Variants in TBCK observed in about 807,000 individuals in gnomAD.
TBCK encodes TBC domain-containing protein kinase-like protein.
A neutral mutation model predicts 113.4 loss-of-function variants in TBCK; 99 were observed. The ratio of observed to expected loss-of-function variants is 0.87; its 90% CI spans 0.74 to 1.03. TBCK has a LOEUF of 1.03. Ranked by LOEUF, TBCK falls within the 50% of genes least tolerant of loss-of-function variation. The probability of loss-of-function intolerance (pLI) is 0.00; values close to 1 mark genes in which losing one functional copy is unlikely to be tolerated. For synonymous variants in TBCK, 369 were observed against 370.8 expected, an observed-to-expected ratio of 1.00 and a Z score of 0.05; for missense variants, 1,045 against 1,061.3, an observed-to-expected ratio of 0.98 and a Z score of 0.21.
At chr4:106,065,298 T>A (rs752517628) in intron 25 of TBCK, among the ~76,000 whole-genome samples, 1 of 152,062 alleles carries the variant, frequency 6.6e-6, no homozygotes, top group Non-Finnish European at 1.5e-5. Flanking sequence ...AAGAGGTATC[T>A]TTCTGGGGCT....
chr4:106,270,163 A>ATATG (rs1763348194), intron 3 of TBCK, among the ~76,000 whole-genome samples: 1 of 152,166 alleles, frequency 6.6e-6, no homozygotes, highest in Admixed American at 6.6e-5. Flanking sequence ...TTGTTATATC[A>ATATG]TATGTATATA....
intron 20 of TBCK, 49 bp downstream of exon 20, chr4:106,212,701 C>A (rs751442125): frequency 7.4e-7 from 1 of 1,342,778 alleles, no homozygotes; most frequent in Non-Finnish European, 1.1e-6. Flanking sequence ...CTAATAATTT[C>A]TGCTTTTTTT....
intron 12 of TBCK, among the ~76,000 whole-genome samples, chr4:106,237,085 T>C (rs926871231): frequency 6.6e-6 from 1 of 151,924 alleles, no homozygotes; most frequent in African/African-American, 2.4e-5. Flanking sequence ...CAAACAGAAC[T>C]CAGAATTACT....
intron 23 of TBCK, among the ~76,000 whole-genome samples, chr4:106,140,366 A>C (rs72964491): frequency 1.4e-5 from 2 of 141,324 alleles, no homozygotes; most frequent in African/African-American, 5.0e-5. Flanking sequence ...TTTCATATAA[A>C]TAAAATAAAA....
intron 24 of TBCK, among the ~76,000 whole-genome samples, chr4:106,112,511 C>T (rs1742983809): frequency 6.6e-6 from 1 of 152,142 alleles, no homozygotes. Context: ...TTTACTAGCG[C>T]TCAGAGGGCT....
chr4:106,176,553 A>G (rs184944215), intron 22 of TBCK, among the ~76,000 whole-genome samples: 11 of 152,034 alleles, frequency 7.2e-5, no homozygotes, highest in Admixed American at 7.2e-4. Flanking sequence ...TTGTGTTTTT[A>G]TGTACGTTTT....
intron 25 of TBCK, among the ~76,000 whole-genome samples, chr4:106,094,863 C>A (rs550027406): frequency 7.9e-5 from 12 of 152,324 alleles, no homozygotes; most frequent in African/African-American, 2.9e-4. Context: ...TATCTAGATA[C>A]CTTCTCTGGC....
intron 22 of TBCK, among the ~76,000 whole-genome samples, chr4:106,171,992 G>A (rs57246774): frequency 0.14 from 21,796 of 151,846 alleles, 1,746 homozygotes; most frequent in South Asian, 0.26. Flanking sequence ...CACAACACCC[G>A]GCTAATTTTT....
intron 24 of TBCK, among the ~76,000 whole-genome samples, chr4:106,110,014 A>G (rs920963897): frequency 1.3e-5 from 2 of 152,194 alleles, no homozygotes; most frequent in African/African-American, 4.8e-5. Flanking sequence ...ATTGATCTAG[A>G]TAAGTTAGTT....
At chr4:106,207,366 A>C (rs1172677648) in intron 20 of TBCK, among the ~76,000 whole-genome samples, 1 of 152,180 alleles carries the variant, frequency 6.6e-6, no homozygotes, top group African/African-American at 2.4e-5. Context: ...TTACTTTGAT[A>C]GGTTTAGTTC....
At chr4:106,123,165 A>G (rs1744670674) in intron 23 of TBCK, among the ~76,000 whole-genome samples, 1 of 152,240 alleles carries the variant, frequency 6.6e-6, no homozygotes, top group Non-Finnish European at 1.5e-5. Flanking sequence ...GCTGATAAGC[A>G]ACTTCAGCAA....
intron 19 of TBCK, among the ~76,000 whole-genome samples, chr4:106,219,441 C>T (rs1757410177): frequency 6.7e-6 from 1 of 150,328 alleles, no homozygotes; most frequent in Admixed American, 6.6e-5. Flanking sequence ...CATAAGAATA[C>T]CATGTTTAAT....
At chr4:106,287,327 TA>T (rs1405119136) in intron 3 of TBCK, among the ~76,000 whole-genome samples, 6 of 152,210 alleles carry the variant, frequency 3.9e-5, no homozygotes, top group Non-Finnish European at 7.3e-5. Flanking sequence ...GAATTCCAGA[TA>T]TTTTTCAGTT....
chr4:106,176,343 T>A (rs1751668710), intron 22 of TBCK, among the ~76,000 whole-genome samples: 1 of 152,064 alleles, frequency 6.6e-6, no homozygotes, highest in South Asian at 2.1e-4. Context: ...CCCATTCTTC[T>A]TAGCCTCTAG....
intron 23 of TBCK, among the ~76,000 whole-genome samples, chr4:106,122,612 T>C (rs186099863): frequency 6.6e-6 from 1 of 152,300 alleles, no homozygotes; most frequent in Non-Finnish European, 1.5e-5. Flanking sequence ...TGAACATTGA[T>C]GCAAAAATCC....
Position 106,251,912 on chromosome 4 carries a change from T to G in TBCK, c.551A>C (p.Lys184Thr). ...GATTCCAAGAGACCATACATCTGAT[T>G]TGGGGCCAGAAGGCAATGGTTTTTT... ...PSKKPLPSGP[K>T]SDVWSLGIIL... Residue 184 changes from lysine (K) to threonine (T), a missense_variant, in exon 6 of 26, where the codon AAA becomes ACA. Coordinates refer to ENST00000394708, the MANE Select transcript of TBCK (RefSeq NM_001163435.3). The G allele has an allele frequency of 6.2e-7, 1 of 1,611,354 alleles. No individual in the cohort carries two copies.
At chr4:106,113,839 T>C (rs370500326) in intron 24 of TBCK, among the ~76,000 whole-genome samples, 6 of 152,192 alleles carry the variant, frequency 3.9e-5, no homozygotes, top group Admixed American at 1.3e-4. Context: ...CTACTCTCTA[T>C]TGGGCCCATC....
At chr4:106,171,362 A>G in intron 22 of TBCK, 92 bp from the exon 23 acceptor site, 1 of 900,578 alleles carries the variant, frequency 1.1e-6, no homozygotes, top group Non-Finnish European at 1.7e-6. Flanking sequence ...GAATATATCT[A>G]AATATGGCTA....
chr4:106,082,069 A>G (rs1180161299), intron 25 of TBCK, among the ~76,000 whole-genome samples: 4 of 152,348 alleles, frequency 2.6e-5, no homozygotes, highest in East Asian at 1.9e-4. Context: ...ACTTAAAACT[A>G]CCATTTGACC....
Sources: allele counts gnomAD v4.1 joint callset (sites outside exome capture counted in the v4.1 genomes callset), GRCh38; gene constraint gnomAD v4.1.1; transcripts MANE v1.5; gene names NCBI Gene and HGNC (gene_info 2026-07-23, HGNC 2026-07-21).